WDR33: variants seen among roughly 807,000 people sequenced by gnomAD.
WDR33 encodes WD repeat domain 33.
A neutral mutation model predicts 164.9 loss-of-function variants in WDR33; 47 were observed. The ratio of observed to expected loss-of-function variants is 0.29; its 90% CI spans 0.23 to 0.36. The LOEUF (loss-of-function observed/expected upper bound fraction) is 0.36. WDR33 is among the 10% of genes least tolerant of loss of function. The probability of loss-of-function intolerance (pLI) is 1.00; values close to 1 mark genes in which losing one functional copy is unlikely to be tolerated. For synonymous variants in WDR33, 505 were observed against 589.0 expected (o/e 0.86, Z 2.06); for missense variants, 1,137 against 1,754.1 (o/e 0.65, Z 6.28).
At chr2:127,725,354 C>A in intron 8 of WDR33, 139 bp from the exon 9 acceptor site, 2 of 805,632 alleles carry the variant, frequency 2.5e-6, no homozygotes, top group Non-Finnish European at 3.8e-6. Context: ...ATTAAAGGAT[C>A]ACAGTTATAA....
Position 127,734,449 on chromosome 2 carries a change from GACTT to G in WDR33, c.725-7676_725-7673del, listed in dbSNP as rs542931387. On this transcript the variant is annotated intron_variant, in intron 7 of 21. Transcript: ENST00000322313. The stretch of plus-strand genomic sequence containing the variant: ...TGTGTCTAATATGCCAGAAATGTTT[GACTT>G]ACTACTTTGTAATAATTATTTGCAG... 3.7e-3 allele frequency among the ~76,000 whole-genome samples: 557 copies of G among 152,234 alleles called. 5 individuals are homozygous for G. The highest frequency in any genetic ancestry group is 0.012 in the African/African-American group (516 of 41,526).
At chr2:127,733,633 G>C (rs1334036987) in intron 7 of WDR33, among the ~76,000 whole-genome samples, 2 of 152,034 alleles carry the variant, frequency 1.3e-5, no homozygotes, top group African/African-American at 4.8e-5. Flanking sequence ...GACATTTCAA[G>C]GGCTTAATAG....
chr2:127,702,931 A>G lies in WDR33; in HGVS notation c.*3392T>C, dbSNP rs1269798028. 6.0e-6 allele frequency: 1 copy of G among 167,086 alleles called. No individual in the cohort carries two copies. The highest frequency in any genetic ancestry group is 1.5e-5 in the Non-Finnish European group (1 of 68,118). The allele number at this position is 167,086 out of a possible 1,614,324, so 10.4% of individuals were successfully genotyped here. A position where few individuals can be genotyped will look rare whatever the true frequency, so the allele number is the denominator to read the frequency against. On this transcript the variant is annotated 3_prime_UTR_variant, in exon 22 of 22. Coordinates refer to ENST00000322313, the MANE Select transcript of WDR33 (RefSeq NM_018383.5). ...ATAATTCTAGATCCGGAATACCTGT[A>G]TCTGGTGGAAACCATGGATTTCTAC...
Position 127,702,251 on chromosome 2 carries a change from C to T in WDR33, c.*4072G>A. 8.6e-7 allele frequency: 1 copy of T among 1,156,732 alleles called. No homozygotes were observed. 71.7% of individuals were successfully genotyped at this position (1,156,732 alleles called of 1,614,324 possible). On this transcript the variant is annotated 3_prime_UTR_variant, in exon 22 of 22. Coordinates refer to ENST00000322313, the MANE Select transcript of WDR33 (RefSeq NM_018383.5). ...GAGACCGCGCCGGCCGAGCTGAGGACTGCACGCCGCTGTGCGGAAGCCCGT... is the reference window on the plus strand; with the variant it reads ...GAGACCGCGCCGGCCGAGCTGAGGATTGCACGCCGCTGTGCGGAAGCCCGT...
At chr2:127,733,502 T>C (rs17015526) in intron 7 of WDR33, among the ~76,000 whole-genome samples, 20,085 of 152,226 alleles carry the variant, frequency 0.13, 1,446 homozygotes, top group South Asian at 0.25. Context: ...TGTGTGGAAT[T>C]CCCTCTGAAC....
intron 1 of WDR33, among the ~76,000 whole-genome samples, chr2:127,784,046 C>T (rs1487888781): frequency 6.6e-6 from 1 of 151,890 alleles, no homozygotes; most frequent in Non-Finnish European, 1.5e-5. Context: ...AAACTCATTA[C>T]CTTTCCTTTC....
Position 127,701,816 on chromosome 2 carries a change from C to T in WDR33, c.*4507G>A. On this transcript the variant is annotated 3_prime_UTR_variant, in exon 22 of 22. Transcript: ENST00000322313. The stretch of plus-strand genomic sequence containing the variant: ...CACTGTGTTTCGGCCTAGCCGCGCT[C>T]TACGCACCGGTGTTGCTGCTGCGCG... 1.4e-6 allele frequency: 2 copies of T among 1,457,338 alleles called. No individual in the cohort carries two copies. The highest frequency in any genetic ancestry group is 1.8e-6 in the Non-Finnish European group (2 of 1,108,958). The allele number at this position is 1,457,338 out of a possible 1,614,324, so 90.3% of individuals were successfully genotyped here. A position where few individuals can be genotyped will look rare whatever the true frequency, so the allele number is the denominator to read the frequency against.
intron 1 of WDR33, among the ~76,000 whole-genome samples, chr2:127,778,195 G>A (rs2105455275): frequency 6.6e-6 from 1 of 152,142 alleles, no homozygotes; most frequent in African/African-American, 2.4e-5. Context: ...CAGCACTTTG[G>A]GAGGCCGAGG....
intron 1 of WDR33, among the ~76,000 whole-genome samples, chr2:127,790,185 T>C (rs1469135024): frequency 6.6e-6 from 1 of 152,180 alleles, no homozygotes; most frequent in Non-Finnish European, 1.5e-5. Context: ...ATACTTATTC[T>C]CCATCTAAAG....
chr2:127,791,641 T>G (rs1558959367), intron 1 of WDR33, among the ~76,000 whole-genome samples: 1 of 152,084 alleles, frequency 6.6e-6, no homozygotes, highest in Non-Finnish European at 1.5e-5. Context: ...ACACTGGGGG[T>G]TACTACTTCA....
At chr2:127,750,727 C>CATATATATATGTATACAT (rs1199695849) in intron 7 of WDR33, among the ~76,000 whole-genome samples, 1 of 42,140 alleles carries the variant, frequency 2.4e-5, no homozygotes, top group African/African-American at 1.4e-4. Flanking sequence ...TGTATGCATA[C>CATATATATATGTATACAT]ATATATATGT....
In WDR33 at chr2:127,722,165, A is replaced by T. The variant is rs1378170500; in HGVS notation, c.1519-177T>A. On this transcript the variant is annotated intron_variant, in intron 14 of 21. Transcript: ENST00000322313. This position sits in a 1 kb window ranked among gnomAD's most constrained non-coding sequence, Gnocchi z 5.1. ...TCATGCTAATTCTTACTGACATATT[A>T]CTAGGTAGAAATTACTATGGTGATA... Among the ~76,000 whole-genome samples the T allele has an allele frequency of 6.6e-6, 1 of 152,212 alleles. No homozygotes were observed. The highest frequency in any genetic ancestry group is 1.5e-5 in the Non-Finnish European group (1 of 68,028).
At chr2:127,729,633 C>T (rs1200728566) in intron 7 of WDR33, among the ~76,000 whole-genome samples, 1 of 151,926 alleles carries the variant, frequency 6.6e-6, no homozygotes, top group Non-Finnish European at 1.5e-5. Context: ...GTAGCTGGGA[C>T]TACAGGCGCC....
chr2:127,722,046 A>G lies in WDR33; in HGVS notation c.1519-58T>C. ...TAAGTATGAAAATTACAATGATAGAATGAGAAAACCACTCTACAATGTCAT... is the reference window on the plus strand; with the variant it reads ...TAAGTATGAAAATTACAATGATAGAGTGAGAAAACCACTCTACAATGTCAT... On this transcript the variant is annotated intron_variant, in intron 14 of 21. Coordinates refer to ENST00000322313, the MANE Select transcript of WDR33 (RefSeq NM_018383.5). The surrounding 1 kb of genome is among the most constrained non-coding windows in gnomAD (Gnocchi z 5.1). 1 of 1,569,914 alleles carries G rather than the reference A, an allele frequency of 6.4e-7. No homozygotes were observed. Among genetic ancestry groups the G allele is most frequent in the South Asian group, 1.2e-5 (1 of 86,428 alleles).
Position 127,701,697 on chromosome 2 carries a change from C to T in WDR33, c.*4626G>A. 1 of 1,320,008 alleles carries T rather than the reference C, an allele frequency of 7.6e-7. No individual in the cohort carries two copies. Among genetic ancestry groups the T allele is most frequent in the Non-Finnish European group, 9.6e-7 (1 of 1,040,148 alleles). The allele number at this position is 1,320,008 out of a possible 1,614,324, so 81.8% of individuals were successfully genotyped here. ...CTTGCGCTGGACGTGGGCGCGGAGC[C>T]CTGCGGAGTCGGCAGCGGCCGGCCT... On this transcript the variant is annotated 3_prime_UTR_variant, in exon 22 of 22. Coordinates refer to ENST00000322313, the MANE Select transcript of WDR33 (RefSeq NM_018383.5).
In WDR33 at chr2:127,709,879, T is replaced by C. The variant is rs776398134; in HGVS notation, c.3309-23A>G. The C allele has an allele frequency of 3.7e-6, 6 of 1,611,600 alleles. No individual in the cohort carries two copies. The African/African-American group carries it at 4.0e-5, about 11-fold the overall frequency. On this transcript the variant is annotated intron_variant, in intron 18 of 21. Coordinates refer to ENST00000322313, the MANE Select transcript of WDR33 (RefSeq NM_018383.5). The surrounding 1 kb of genome is among the most constrained non-coding windows in gnomAD (Gnocchi z 5.0). ...AAACTGTAAAGAGAAAACAGCAGAA[T>C]GTCCATCTCAGAGAACACCTTGCCA...
intron 7 of WDR33, among the ~76,000 whole-genome samples, chr2:127,739,051 C>T (rs1453910705): frequency 6.6e-6 from 1 of 152,074 alleles, no homozygotes; most frequent in African/African-American, 2.4e-5. Context: ...ATGTGAAAAC[C>T]AAGGAATACT....
At chr2:127,760,768 AAGT>A (rs1687650640) in intron 7 of WDR33, among the ~76,000 whole-genome samples, 1 of 152,362 alleles carries the variant, frequency 6.6e-6, no homozygotes, top group Non-Finnish European at 1.5e-5. Flanking sequence ...ACTGTAAAGT[AAGT>A]AGAATTTTTT....
chr2:127,703,493 C>T lies in WDR33; in HGVS notation c.*2830G>A. On this transcript the variant is annotated 3_prime_UTR_variant, in exon 22 of 22. Coordinates refer to ENST00000322313, the MANE Select transcript of WDR33 (RefSeq NM_018383.5). ...CCAAAATTTATGTTCCTAAGTAAGTCAGGTCCCTAAGCCCCGTCCCAAGAA... is the reference window on the plus strand; with the variant it reads ...CCAAAATTTATGTTCCTAAGTAAGTTAGGTCCCTAAGCCCCGTCCCAAGAA... 6.0e-6 allele frequency: 1 copy of T among 167,220 alleles called. No individual in the cohort carries two copies. 10.4% of individuals were successfully genotyped at this position (167,220 alleles called of 1,614,324 possible).
Sources: gnomAD v4.1 joint callset for allele counts (sites outside exome capture counted in the v4.1 genomes callset) on GRCh38, gnomAD v4.1.1 for gene constraint, Gnocchi (gnomAD v3.1) non-coding constraint, MANE v1.5 for transcripts, NCBI Gene and HGNC (gene_info 2026-07-23, HGNC 2026-07-21) for gene names.